The following RTF1 variants were observed in gnomAD, a reference collection of about 807,000 sequenced individuals.
The protein encoded by RTF1 is RTF1 homolog, Paf1/RNA polymerase II complex component, also known as RNA polymerase-associated protein RTF1 homolog.
A neutral mutation model predicts 95.7 loss-of-function variants in RTF1; 10 were observed. The observed-to-expected ratio is 0.10, with a 90% CI of 0.06 to 0.18. RTF1 has a LOEUF of 0.18. RTF1 is among the 10% of genes least tolerant of loss of function. The pLI, the probability that RTF1 is intolerant of heterozygous loss-of-function variation, is 1.00. For synonymous variants in RTF1, 305 were observed against 311.8 expected, an observed-to-expected ratio of 0.98 and a Z score of 0.23; for missense variants, 458 against 875.6, an observed-to-expected ratio of 0.52 and a Z score of 6.02.
At chr15:41,451,638 C>T (rs1272524736) in intron 2 of RTF1, among the ~76,000 whole-genome samples, 1 of 152,132 alleles carries the variant, frequency 6.6e-6, no homozygotes, top group African/African-American at 2.4e-5. Flanking sequence ...ACTTTACTTT[C>T]TGCCTCTTTG....
intron 2 of RTF1, among the ~76,000 whole-genome samples, chr15:41,442,659 G>A (rs554803717): frequency 1.3e-5 from 2 of 152,182 alleles, no homozygotes; most frequent in East Asian, 1.9e-4. Context: ...GCCAAGGCAG[G>A]TAGATCACTT....
rs746228506 is a variant in RTF1 at position 41,455,777 on chromosome 15, C to CA, written c.458-1881dup. The stretch of plus-strand genomic sequence containing the variant: ...AGGCAATAGAGTGAGACTCTGTCTC[C>CA]AAAAAAAAAAAAAAGAATGATATAA... On this transcript the variant is annotated intron_variant, in intron 3 of 17. Transcript: ENST00000389629. Among the ~76,000 whole-genome samples the CA allele has an allele frequency of 7.4e-3, 825 of 111,532 alleles. 3 individuals are homozygous for CA. Among genetic ancestry groups the CA allele is most frequent in the Non-Finnish European group, 0.01 (539 of 52,244 alleles). The allele number at this position is 111,532 out of a possible 152,430, so 73.2% of individuals were successfully genotyped here. A position where few individuals can be genotyped will look rare whatever the true frequency, so the allele number is the denominator to read the frequency against.
chr15:41,430,011 C>CTT lies in RTF1; in HGVS notation c.199-8297_199-8296dup, dbSNP rs747303648. On this transcript the variant is annotated intron_variant, in intron 1 of 17. Transcript: ENST00000389629. ...TTTAATTTATTTTATTTTTTCTTTT[C>CTT]TTTTTTTTTTTTTTGAGACAGAGTC... Among the ~76,000 whole-genome samples the CTT allele has an allele frequency of 2.2e-4, 29 of 130,056 alleles. 1 individual carries two copies. Among genetic ancestry groups the CTT allele is most frequent in the African/African-American group, 5.9e-4 (21 of 35,786 alleles). 85.3% of individuals were successfully genotyped at this position (130,056 alleles called of 152,430 possible).
At chr15:41,478,964 T>G in intron 15 of RTF1, 139 bp from the exon 16 acceptor site, 2 of 569,560 alleles carry the variant, frequency 3.5e-6, no homozygotes, top group South Asian at 2.3e-5. Flanking sequence ...TTTTTTTTGC[T>G]GCTTTGAGGA....
intron 3 of RTF1, 47 bp from the exon 4 acceptor site, chr15:41,457,625 T>C (rs756814366): frequency 2.6e-6 from 4 of 1,555,780 alleles, no homozygotes; most frequent in Non-Finnish European, 2.7e-6. Flanking sequence ...GCTTGTGGCC[T>C]GTCTTCTGTA....
At chr15:41,423,238 G>C (rs1461487798) in intron 1 of RTF1, among the ~76,000 whole-genome samples, 1 of 152,220 alleles carries the variant, frequency 6.6e-6, no homozygotes, top group African/African-American at 2.4e-5. Flanking sequence ...AAATTTTGAA[G>C]TGTAGGAAGA....
chr15:41,464,144 C>G (rs924958965), intron 4 of RTF1, among the ~76,000 whole-genome samples: 10 of 150,908 alleles, frequency 6.6e-5, no homozygotes, highest in Non-Finnish European at 1.3e-4. Flanking sequence ...GCCACTGCAC[C>G]GGGCCTGTTT....
rs556412171 is a variant in RTF1 at position 41,483,223 on chromosome 15, T to C, written c.*2536T>C. On this transcript the variant is annotated 3_prime_UTR_variant, in exon 18 of 18. Transcript: ENST00000389629. Reference sequence around the variant, plus strand: ...AAGACACTGGCTTTGTCCTACCAACTAGGATTTCTTGGTGGTTCACACTAT... The same window carrying C: ...AAGACACTGGCTTTGTCCTACCAACCAGGATTTCTTGGTGGTTCACACTAT... 6.5e-6 allele frequency: 1 copy of C among 152,718 alleles called. No homozygotes were observed. The highest frequency in any genetic ancestry group is 2.1e-4 in the South Asian group (1 of 4,822). 9.5% of individuals were successfully genotyped at this position (152,718 alleles called of 1,614,324 possible).
intron 1 of RTF1, among the ~76,000 whole-genome samples, chr15:41,423,736 G>A (rs2050614786): frequency 6.6e-6 from 1 of 151,888 alleles, no homozygotes; most frequent in African/African-American, 2.4e-5. Context: ...GGTCATATTG[G>A]TGTATTTATT....
chr15:41,433,732 T>C, intron 1 of RTF1, among the ~76,000 whole-genome samples: 1 of 152,138 alleles, frequency 6.6e-6, no homozygotes, highest in African/African-American at 2.4e-5. Context: ...CCTAGGTATT[T>C]ACTCAAAGTG....
chr15:41,430,541 A>G (rs1229724012), intron 1 of RTF1, among the ~76,000 whole-genome samples: 2 of 151,886 alleles, frequency 1.3e-5, no homozygotes, highest in African/African-American at 2.4e-5. Flanking sequence ...GAGGTTCAAG[A>G]CCAGCCTGGG....
At chr15:41,471,094 G>C (rs1418528543) in intron 7 of RTF1, 78 bp from the exon 8 acceptor site, 8 of 1,384,112 alleles carry the variant, frequency 5.8e-6, no homozygotes, top group Non-Finnish European at 7.9e-6. Flanking sequence ...GTTAAGTTTT[G>C]AGGAGTTGAT....
intron 1 of RTF1, among the ~76,000 whole-genome samples, chr15:41,431,064 C>T (rs1345371646): frequency 6.6e-6 from 1 of 151,496 alleles, no homozygotes; most frequent in Non-Finnish European, 1.5e-5. Context: ...CCACCATGCC[C>T]AGCTAATTTT....
chr15:41,441,521 T>G (rs1270534380), intron 2 of RTF1, among the ~76,000 whole-genome samples: 3 of 152,148 alleles, frequency 2.0e-5, no homozygotes, highest in African/African-American at 4.8e-5. Context: ...AGTACTGAGA[T>G]TCCCTTCCTC....
chr15:41,427,329 T>C (rs2050640605), intron 1 of RTF1, among the ~76,000 whole-genome samples: 1 of 150,586 alleles, frequency 6.6e-6, no homozygotes, highest in Admixed American at 6.7e-5. Flanking sequence ...TTTTTTGTAT[T>C]TTTAGTAGAG....
intron 1 of RTF1, among the ~76,000 whole-genome samples, chr15:41,421,011 G>A (rs893615466): frequency 6.6e-6 from 1 of 152,196 alleles, no homozygotes; most frequent in Non-Finnish European, 1.5e-5. Context: ...GTCTGCCATA[G>A]TACTTCCAAA....
chr15:41,429,562 C>T (rs2050658194), intron 1 of RTF1, among the ~76,000 whole-genome samples: 1 of 152,026 alleles, frequency 6.6e-6, no homozygotes, highest in South Asian at 2.1e-4. Flanking sequence ...TGCTCCTCAC[C>T]CTGTTTTATA....
chr15:41,431,990 G>A (rs55725658), intron 1 of RTF1, among the ~76,000 whole-genome samples: 28,217 of 150,720 alleles, frequency 0.19, 3,390 homozygotes, highest in Non-Finnish European at 0.26. Context: ...TAGTAGAGAC[G>A]TGGTTTCACC....
chr15:41,467,734 A>G (rs2050887842), intron 6 of RTF1, among the ~76,000 whole-genome samples: 1 of 151,306 alleles, frequency 6.6e-6, no homozygotes, highest in African/African-American at 2.4e-5. Context: ...ACAACAAAAG[A>G]TAATGTGGGG....
Sources: gnomAD v4.1 joint callset for allele counts (sites outside exome capture counted in the v4.1 genomes callset) on GRCh38, gnomAD v4.1.1 for gene constraint, MANE v1.5 for transcripts, NCBI Gene and HGNC (gene_info 2026-07-23, HGNC 2026-07-21) for gene names.